The following CCDC169 variants were observed in gnomAD, a reference collection of about 807,000 sequenced individuals.
CCDC169 encodes coiled-coil domain-containing protein 169.
In CCDC169, 30 loss-of-function variants were observed where a neutral mutation model predicts 36.0. That is an observed-to-expected ratio of 0.83 (90% CI 0.62 to 1.13). CCDC169 has a LOEUF of 1.13. Ranked by LOEUF, CCDC169 falls within the 50% of genes most tolerant of loss-of-function variation. The pLI is 0.00. For synonymous variants in CCDC169, 85 were observed against 81.5 expected, an observed-to-expected ratio of 1.04 and a Z score of -0.23; for missense variants, 245 against 245.9, an observed-to-expected ratio of 1.00 and a Z score of 0.03.
intron 4 of CCDC169, among the ~76,000 whole-genome samples, chr13:36,256,760 C>G (rs575147052): frequency 6.6e-6 from 1 of 152,344 alleles, no homozygotes; most frequent in South Asian, 2.1e-4. Context: ...CTCTGTGGAC[C>G]TCACCCTGGG....
chr13:36,289,046 A>G (rs1436022618), intron 2 of CCDC169, among the ~76,000 whole-genome samples: 1 of 152,172 alleles, frequency 6.6e-6, no homozygotes, highest in Non-Finnish European at 1.5e-5. Context: ...AGTTGGCTAT[A>G]ATTAGAAGGG....
chr13:36,237,136 A>C lies in CCDC169; in HGVS notation c.546-5844T>G, dbSNP rs192561033. The stretch of plus-strand genomic sequence containing the variant: ...CAGTTGGTTGAATTCATGGATGCAG[A>C]ATTTGTGGATATGGAAGGCTATCTG... On this transcript the variant is annotated intron_variant, in intron 7 of 7. Transcript: ENST00000239859. Among the ~76,000 whole-genome samples the C allele has an allele frequency of 7.4e-3, 1,123 of 152,044 alleles. 5 individuals carry two copies. Among genetic ancestry groups the C allele is most frequent in the Non-Finnish European group, 0.012 (830 of 67,906 alleles).
chr13:36,256,751 T>A (rs575450527), intron 4 of CCDC169, among the ~76,000 whole-genome samples: 86 of 152,366 alleles, frequency 5.6e-4, no homozygotes, highest in Middle Eastern at 3.4e-3. Context: ...CCCTGGCCTC[T>A]CTGTGGACCT....
rs1219568747 is a variant in CCDC169, at chr13:36,250,179, A to G, written c.469-1497T>C. ...GGGACTCCACATGGAAGAGCAGCCA[A>G]TTAAGAACTAAGGAAAGAATATTCT... On this transcript the variant is annotated intron_variant, in intron 6 of 7. Coordinates refer to ENST00000239859, the MANE Select transcript of CCDC169 (RefSeq NM_001144981.3). Among the ~76,000 whole-genome samples, 8 of 152,294 alleles carry G rather than the reference A, an allele frequency of 5.3e-5. No individual in the cohort carries two copies. The East Asian group carries it at 1.4e-3, about 26-fold the overall frequency.
chr13:36,273,686 C>A (rs1536234), intron 4 of CCDC169, among the ~76,000 whole-genome samples: 38,743 of 151,952 alleles, frequency 0.25, 5,219 homozygotes, highest in East Asian at 0.49. Flanking sequence ...TGCTAACAAC[C>A]CACCCTGGTA....
chr13:36,277,325 G>A (rs915329044), intron 4 of CCDC169, among the ~76,000 whole-genome samples: 1 of 152,162 alleles, frequency 6.6e-6, no homozygotes, highest in South Asian at 2.1e-4. Flanking sequence ...GGGTAGGGTG[G>A]GGGAGTGGAG....
At chr13:36,223,798 T>C (rs993579934), downstream of CCDC169, 4 of 152,138 alleles carry the variant, frequency 2.6e-5, no homozygotes, top group African/African-American at 4.8e-5. Flanking sequence ...ACAATGTACA[T>C]AGTATAGAAG....
At chr13:36,286,135 T>C (rs920364153) in intron 2 of CCDC169, among the ~76,000 whole-genome samples, 2 of 152,232 alleles carry the variant, frequency 1.3e-5, no homozygotes, top group African/African-American at 4.8e-5. Context: ...CTGTGAATAC[T>C]AGTTGCTGAT....
chr13:36,229,630 C>T (rs958691541), downstream of CCDC169, among the ~76,000 whole-genome samples: 8 of 150,918 alleles, frequency 5.3e-5, no homozygotes, highest in Non-Finnish European at 1.5e-5. Flanking sequence ...CTCTGCCTCC[C>T]GGGTTCAAGT....
At chr13:36,282,397 T>C (rs993959111) in intron 4 of CCDC169, 3 of 985,308 alleles carry the variant, frequency 3.0e-6, no homozygotes, top group Non-Finnish European at 2.4e-6. Flanking sequence ...TATAGGATTG[T>C]TGGATCCCAA....
At chr13:36,258,667 C>T (rs186321620) in intron 4 of CCDC169, among the ~76,000 whole-genome samples, 1 of 152,152 alleles carries the variant, frequency 6.6e-6, no homozygotes, top group African/African-American at 2.4e-5. Flanking sequence ...AGCTGCCCAC[C>T]CCTTTCACGG....
At position 36,290,237 on chromosome 13, in the gene CCDC169, TA is replaced by T. The variant is rs376489255; in HGVS notation, c.163+5540del. Among the ~76,000 whole-genome samples, 79 of 152,298 alleles carry T rather than the reference TA, an allele frequency of 5.2e-4. No homozygotes were observed. In the East Asian group the frequency reaches 0.011, roughly 21 times the overall value. ...TTCATGAGACACAGGGACACGCCTG[TA>T]CCACAAAAAAATTAAGATTCTCTTA... is the stretch of plus-strand genomic sequence containing the variant. On this transcript the variant is annotated intron_variant, in intron 2 of 7. Transcript: ENST00000239859.
downstream of CCDC169, among the ~76,000 whole-genome samples, chr13:36,229,434 T>G (rs1325502398): frequency 1.3e-5 from 2 of 152,116 alleles, no homozygotes; most frequent in Non-Finnish European, 2.9e-5. Flanking sequence ...TTTATCCCAG[T>G]GATTGAGATA....
intron 4 of CCDC169, among the ~76,000 whole-genome samples, chr13:36,273,952 A>T (rs1876440805): frequency 6.6e-6 from 1 of 152,124 alleles, no homozygotes; most frequent in Admixed American, 6.5e-5. Flanking sequence ...CTCAACAGAG[A>T]GACACAAAGT....
intron 4 of CCDC169, among the ~76,000 whole-genome samples, chr13:36,263,850 C>A (rs11620284): frequency 0.13 from 19,388 of 152,030 alleles, 1,555 homozygotes; most frequent in Non-Finnish European, 0.18. Flanking sequence ...AATTAAAGCC[C>A]TATGAAATAA....
intron 4 of CCDC169, among the ~76,000 whole-genome samples, chr13:36,270,608 A>G (rs1594058809): frequency 6.6e-6 from 1 of 152,236 alleles, no homozygotes. Context: ...AGAACCCAGA[A>G]ATAAAACCAA....
chr13:36,286,728 C>T (rs952797792), intron 2 of CCDC169, among the ~76,000 whole-genome samples: 1 of 152,134 alleles, frequency 6.6e-6, no homozygotes, highest in African/African-American at 2.4e-5. Flanking sequence ...TGGCTGGAAA[C>T]AGTTTACCTT....
chr13:36,243,840 A>G (rs1320109271), intron 7 of CCDC169, among the ~76,000 whole-genome samples: 1 of 152,086 alleles, frequency 6.6e-6, no homozygotes, highest in Non-Finnish European at 1.5e-5. Context: ...TAAACTTCCT[A>G]CATGCTGATT....
At chr13:36,242,663 C>T (rs555755943) in intron 7 of CCDC169, among the ~76,000 whole-genome samples, 12 of 151,948 alleles carry the variant, frequency 7.9e-5, no homozygotes, top group African/African-American at 2.9e-4. Context: ...TATTAAACAC[C>T]AATTTATGCC....
Sources: gnomAD v4.1 joint callset for allele counts (sites outside exome capture counted in the v4.1 genomes callset) on GRCh38, gnomAD v4.1.1 for gene constraint, MANE v1.5 for transcripts, NCBI Gene and HGNC (gene_info 2026-07-23, HGNC 2026-07-21) for gene names.